Variants in RGS20 observed in about 807,000 individuals in gnomAD.
RGS20 encodes the protein regulator of G protein signaling 20.
Under a neutral mutation model 33.6 loss-of-function variants are expected in RGS20, and 30 were observed. That is an observed-to-expected ratio of 0.89 (90% CI 0.67 to 1.21). The LOEUF is 1.21. Among genes scored for constraint, RGS20 ranks in the 50% most tolerant of loss-of-function variants. The pLI is 0.00. For missense variants in RGS20, 472 were observed against 502.4 expected (o/e 0.94, Z 0.58); for synonymous variants, 208 against 197.9 (o/e 1.05, Z -0.43).
intron 1 of RGS20, among the ~76,000 whole-genome samples, chr8:53,872,207 A>G (rs1206391318): frequency 3.3e-5 from 5 of 152,100 alleles, no homozygotes; most frequent in Non-Finnish European, 7.4e-5. Context: ...CCATTTATTT[A>G]TGTTTTTATT....
At chr8:53,882,944 T>C (rs1312502182) in intron 2 of RGS20, among the ~76,000 whole-genome samples, 2 of 152,204 alleles carry the variant, frequency 1.3e-5, no homozygotes, top group African/African-American at 2.4e-5. Flanking sequence ...AACCGTGGAA[T>C]TGACTAAACA....
intron 2 of RGS20, among the ~76,000 whole-genome samples, chr8:53,883,324 G>A (rs570421961): frequency 1.7e-4 from 26 of 151,836 alleles, no homozygotes; most frequent in Admixed American, 1.6e-3. Flanking sequence ...CACCACTCCC[G>A]GCTAATTTTT....
intron 5 of RGS20, among the ~76,000 whole-genome samples, chr8:53,956,575 C>A (rs367775670): frequency 1.3e-4 from 20 of 152,298 alleles, no homozygotes; most frequent in African/African-American, 4.6e-4. Context: ...ACCCCACCGT[C>A]TCAAATGACT....
intron 2 of RGS20, among the ~76,000 whole-genome samples, chr8:53,937,097 C>G (rs1411832193): frequency 6.6e-6 from 1 of 151,932 alleles, no homozygotes. Context: ...ACAATGAAAA[C>G]ACTTGGACAC....
chr8:53,914,114 T>A (rs1446695373), intron 2 of RGS20, among the ~76,000 whole-genome samples: 1 of 149,598 alleles, frequency 6.7e-6, no homozygotes, highest in East Asian at 2.0e-4. Flanking sequence ...CACTGCAGCC[T>A]CAAACTTCTG....
chr8:53,957,899 C>T (rs1814918152), intron 5 of RGS20, among the ~76,000 whole-genome samples: 2 of 152,274 alleles, frequency 1.3e-5, no homozygotes, highest in South Asian at 4.2e-4. Context: ...GTAATCCCAG[C>T]AGCTAGAGAG....
intron 1 of RGS20, among the ~76,000 whole-genome samples, chr8:53,872,734 C>G (rs1363758976): frequency 6.6e-6 from 1 of 152,138 alleles, no homozygotes; most frequent in Non-Finnish European, 1.5e-5. Context: ...GAGAGAACCC[C>G]AAGAGATAGC....
intron 2 of RGS20, among the ~76,000 whole-genome samples, chr8:53,901,601 T>C (rs886105278): frequency 1.3e-5 from 2 of 152,162 alleles, no homozygotes; most frequent in Non-Finnish European, 2.9e-5. Context: ...ACAAAGATGG[T>C]TGAACCTTCA....
chr8:53,903,952 G>A (rs548504056), intron 2 of RGS20, among the ~76,000 whole-genome samples: 5 of 152,206 alleles, frequency 3.3e-5, no homozygotes, highest in African/African-American at 9.6e-5. Context: ...AGAAGAACAG[G>A]GCAGATGTGA....
At chr8:53,956,329 A>C (rs1311559358) in intron 5 of RGS20, among the ~76,000 whole-genome samples, 1 of 152,040 alleles carries the variant, frequency 6.6e-6, no homozygotes, top group East Asian at 1.9e-4. Context: ...GAGCATGGAG[A>C]GGTTTGGGCA....
chr8:53,954,435 G>A (rs1051820768), intron 5 of RGS20, 125 bp downstream of exon 4: 23 of 621,632 alleles, frequency 3.7e-5, no homozygotes, highest in African/African-American at 2.4e-4. Context: ...AGGCTGAGGC[G>A]GGCGGATCAC....
At chr8:53,922,362 C>T (rs1001277439) in intron 2 of RGS20, among the ~76,000 whole-genome samples, 1 of 151,828 alleles carries the variant, frequency 6.6e-6, no homozygotes, top group Non-Finnish European at 1.5e-5. Flanking sequence ...TATATTTTTC[C>T]ATCCTTTTAC....
At chr8:53,858,524 A>G (rs1811734336) in intron 1 of RGS20, among the ~76,000 whole-genome samples, 1 of 152,092 alleles carries the variant, frequency 6.6e-6, no homozygotes, top group African/African-American at 2.4e-5. Flanking sequence ...ACATCCTTTT[A>G]AAAACCTCTA....
chr8:53,885,657 T>A (rs1354927344), intron 2 of RGS20, among the ~76,000 whole-genome samples: 2 of 152,016 alleles, frequency 1.3e-5, no homozygotes, highest in Non-Finnish European at 2.9e-5. Flanking sequence ...CTAGTGAACA[T>A]CTGGTCTTAC....
chr8:53,935,873 A>G (rs1019944049), intron 2 of RGS20, among the ~76,000 whole-genome samples: 3 of 152,228 alleles, frequency 2.0e-5, no homozygotes, highest in Non-Finnish European at 4.4e-5. Context: ...AACCGAATCC[A>G]GCAGCACATC....
chr8:53,934,197 C>T (rs1404749365), intron 2 of RGS20, among the ~76,000 whole-genome samples: 1 of 152,154 alleles, frequency 6.6e-6, no homozygotes, highest in Non-Finnish European at 1.5e-5. Flanking sequence ...GAAACTGCAT[C>T]AACTAATGGG....
intron 1 of RGS20, among the ~76,000 whole-genome samples, chr8:53,861,791 G>A (rs1811814026): frequency 6.6e-6 from 1 of 152,190 alleles, no homozygotes; most frequent in African/African-American, 2.4e-5. Flanking sequence ...ATAAAATCCA[G>A]GTACTATTGC....
intron 4 of RGS20, among the ~76,000 whole-genome samples, chr8:53,947,466 GAT>G (rs1462577575): frequency 7.5e-6 from 1 of 132,508 alleles, no homozygotes; most frequent in African/African-American, 2.8e-5. Flanking sequence ...CTATATATAA[GAT>G]ATAGTATATA....
At chr8:53,958,075 G>A (rs1337170709) in intron 5 of RGS20, among the ~76,000 whole-genome samples, 195 bp from the exon 5 acceptor site, 1 of 152,090 alleles carries the variant, frequency 6.6e-6, no homozygotes, top group African/African-American at 2.4e-5. Context: ...GGCGGAGGTT[G>A]CACTGAGCTG....
Sources: allele counts gnomAD v4.1 joint callset (sites outside exome capture counted in the v4.1 genomes callset), GRCh38; gene constraint gnomAD v4.1.1; transcripts MANE v1.5; gene names NCBI Gene and HGNC (gene_info 2026-07-23, HGNC 2026-07-21).